The following ZNF69 variants were observed in gnomAD, a reference collection of about 807,000 sequenced individuals.
ZNF69 encodes the protein zinc finger protein 69, also known as ZNF3.
ZNF69 carries 47 observed loss-of-function variants against 50.9 expected under a neutral mutation model. That is an observed-to-expected ratio of 0.92 (90% CI 0.73 to 1.18). ZNF69 has a LOEUF of 1.18. Among genes scored for constraint, ZNF69 ranks in the 50% most tolerant of loss-of-function variants. The pLI, the probability that ZNF69 is intolerant of heterozygous loss-of-function variation, is 0.00. For missense variants in ZNF69, 717 were observed against 675.1 expected (o/e 1.06, Z -0.69); for synonymous variants, 216 against 223.1 (o/e 0.97, Z 0.29).
At chr19:11,965,222 A>G in the ZNF69 span, 1 of 1,614,082 alleles carries the variant, frequency 6.2e-7, no homozygotes, top group Non-Finnish European at 8.5e-7. Flanking sequence ...GTGCGTGTGC[A>G]TAGCCGGTTG....
downstream of ZNF69, among the ~76,000 whole-genome samples, chr19:11,914,969 C>T (rs1210037636): frequency 6.6e-6 from 1 of 152,176 alleles, no homozygotes; most frequent in Admixed American, 6.6e-5. Flanking sequence ...TTTGCTAGTC[C>T]AAAGCGGGTG....
At chr19:11,914,749 A>G (rs935380212), downstream of ZNF69, among the ~76,000 whole-genome samples, 4 of 152,184 alleles carry the variant, frequency 2.6e-5, no homozygotes, top group South Asian at 2.1e-4. Context: ...ACTCCCTAAG[A>G]TCAAAATCCA....
chr19:11,977,819 CTG>C, the ZNF69 span, among the ~76,000 whole-genome samples: 52 of 152,320 alleles, frequency 3.4e-4, no homozygotes, highest in African/African-American at 1.2e-3. Flanking sequence ...GATGATATCA[CTG>C]TACTCCAGGA....
At chr19:11,902,895 A>G (rs1972276060) in intron 1 of ZNF69, among the ~76,000 whole-genome samples, 1 of 151,996 alleles carries the variant, frequency 6.6e-6, no homozygotes, top group East Asian at 1.9e-4. Context: ...AGCCCAGGCA[A>G]CTCACTTTTC....
chr19:11,965,023 C>T, the ZNF69 span: 2 of 645,168 alleles, frequency 3.1e-6, no homozygotes, highest in Non-Finnish European at 5.5e-6. Flanking sequence ...TATCCAGGCA[C>T]AGAGTGGGTC....
At chr19:11,978,650 C>T in the ZNF69 span, 1 of 1,613,930 alleles carries the variant, frequency 6.2e-7, no homozygotes. Context: ...ATTCTGCTAC[C>T]CATCGAATAC....
At chr19:11,946,796 C>G in the ZNF69 span, 1 of 164,020 alleles carries the variant, frequency 6.1e-6, no homozygotes, top group Admixed American at 6.4e-5. Context: ...GTGTCTGACC[C>G]ATTTTTCTTT....
chr19:11,922,543 T>C, the ZNF69 span, among the ~76,000 whole-genome samples: 1 of 152,218 alleles, frequency 6.6e-6, no homozygotes, highest in Non-Finnish European at 1.5e-5. Flanking sequence ...CAAGCTGACT[T>C]AATGATTAAT....
the ZNF69 span, chr19:11,979,664 T>C: frequency 5.1e-6 from 8 of 1,568,764 alleles, no homozygotes; most frequent in Non-Finnish European, 6.9e-6. Context: ...CAGATCTGCC[T>C]CAATCCTTCA....
chr19:11,895,693 T>G (rs545917409), intron 1 of ZNF69, among the ~76,000 whole-genome samples: 2 of 152,164 alleles, frequency 1.3e-5, no homozygotes, highest in Non-Finnish European at 2.9e-5. Flanking sequence ...TTTTTTCCGT[T>G]ATGAGAAAGT....
At chr19:11,978,636 A>C in the ZNF69 span, 1 of 1,614,068 alleles carries the variant, frequency 6.2e-7, no homozygotes, top group Non-Finnish European at 8.5e-7. Context: ...TAAATCCTTT[A>C]GTTATTCTGC....
At chr19:11,971,243 T>A in the ZNF69 span, among the ~76,000 whole-genome samples, 27 of 152,178 alleles carry the variant, frequency 1.8e-4, no homozygotes, top group African/African-American at 6.5e-4. Context: ...TTGCAGATGG[T>A]CATCTTGTGG....
downstream of ZNF69, among the ~76,000 whole-genome samples, chr19:11,908,965 T>C (rs1192513582): frequency 2.0e-5 from 3 of 151,022 alleles, no homozygotes; most frequent in African/African-American, 2.4e-5. Context: ...ATCAAATAGA[T>C]GCAATAAAAA....
chr19:11,949,193 A>G, the ZNF69 span: 2 of 1,613,504 alleles, frequency 1.2e-6, no homozygotes, highest in South Asian at 1.1e-5. Flanking sequence ...GAGAAACGCT[A>G]TAAATGCAAG....
intron 1 of ZNF69, among the ~76,000 whole-genome samples, chr19:11,894,498 A>G (rs1293888786): frequency 1.3e-5 from 2 of 152,164 alleles, no homozygotes; most frequent in Admixed American, 1.3e-4. Context: ...GGAAACTTCA[A>G]AGGGTATTGT....
the ZNF69 span, among the ~76,000 whole-genome samples, chr19:11,937,611 C>T: frequency 1.8e-4 from 28 of 151,592 alleles, no homozygotes; most frequent in Non-Finnish European, 3.4e-4. Flanking sequence ...GCCTCAGCCT[C>T]CCGAGTAACT....
chr19:11,927,519 C>T, the ZNF69 span, among the ~76,000 whole-genome samples: 1 of 151,984 alleles, frequency 6.6e-6, no homozygotes, highest in Non-Finnish European at 1.5e-5. Context: ...CATCCTCATA[C>T]AGCAAGTGGA....
rs762768643 is a variant in ZNF69 at position 11,905,080 on chromosome 19, C to G, written c.683C>G (p.Ala228Gly). ...TATAAATGTAAATTTTGTGGGAAAGCCTTCCATTGTCTCAGTTTATATCTT... is the reference window on the plus strand; with the variant it reads ...TATAAATGTAAATTTTGTGGGAAAGGCTTCCATTGTCTCAGTTTATATCTT... ...GPYKCKFCGKAFHCLSLYLIH... is the reference protein window; with the variant it reads ...GPYKCKFCGKGFHCLSLYLIH... Residue 228 changes from alanine to glycine, a missense_variant, in exon 4 of 4, where the codon GCC becomes GGC. Physicochemically the swap from Ala to Gly is moderately conservative, Grantham distance 60 (BLOSUM62 0). Transcript: ENST00000429654. 5 of 1,614,156 alleles carry G rather than the reference C, an allele frequency of 3.1e-6. No individual in the cohort carries two copies. Among genetic ancestry groups the G allele is most frequent in the Admixed American group, 1.7e-5 (1 of 60,022 alleles).
chr19:11,930,332 A>G, the ZNF69 span, among the ~76,000 whole-genome samples: 1 of 148,482 alleles, frequency 6.7e-6, no homozygotes, highest in Non-Finnish European at 1.5e-5. Context: ...CACCCCAACA[A>G]GGTTGTATTT....
Sources: gnomAD v4.1 joint callset for allele counts (sites outside exome capture counted in the v4.1 genomes callset) on GRCh38, gnomAD v4.1.1 for gene constraint, MANE v1.5 for transcripts, NCBI Gene and HGNC (gene_info 2026-07-23, HGNC 2026-07-21) for gene names.